The following KCNIP4 variants were observed in gnomAD, a reference collection of about 807,000 sequenced individuals.
KCNIP4 encodes the protein Kv channel-interacting protein 4.
KCNIP4 carries 12 observed loss-of-function variants against 34.0 expected under a neutral mutation model. The observed-to-expected ratio is 0.35, with a 90% confidence interval of 0.23 to 0.57. The LOEUF (loss-of-function observed/expected upper bound fraction) is 0.57. Ranked by LOEUF, KCNIP4 falls within the 20% of genes least tolerant of loss-of-function variation. The pLI, the probability that KCNIP4 is intolerant of heterozygous loss-of-function variation, is 0.83. For synonymous variants in KCNIP4, 124 were observed against 102.2 expected (o/e 1.21, Z -1.29); for missense variants, 238 against 311.7 (o/e 0.76, Z 1.78).
intron 2 of KCNIP4, among the ~76,000 whole-genome samples, chr4:20,853,501 T>G (rs1721256655): frequency 6.6e-6 from 1 of 152,130 alleles, no homozygotes; most frequent in Admixed American, 6.5e-5. Flanking sequence ...TCAAGATGGA[T>G]TAAGGACTTA....
intron 1 of KCNIP4, among the ~76,000 whole-genome samples, chr4:20,969,029 ATATT>A (rs1734664508): frequency 6.6e-6 from 1 of 152,190 alleles, no homozygotes; most frequent in Non-Finnish European, 1.5e-5. Context: ...GTCCCAGGAA[ATATT>A]TATTTGAATA....
intron 1 of KCNIP4, among the ~76,000 whole-genome samples, chr4:21,793,689 C>A (rs1720438905): frequency 6.6e-6 from 1 of 152,100 alleles, no homozygotes; most frequent in Non-Finnish European, 1.5e-5. Context: ...TATTTAATTC[C>A]ATTTAATCAT....
intron 1 of KCNIP4, among the ~76,000 whole-genome samples, chr4:21,511,663 C>T (rs1267489540): frequency 6.6e-6 from 1 of 152,044 alleles, no homozygotes; most frequent in Non-Finnish European, 1.5e-5. Context: ...AACGGGAGCT[C>T]ATGACATCCA....
chr4:21,396,548 C>CGAAAAAAAA (rs1428768959), intron 1 of KCNIP4, among the ~76,000 whole-genome samples: 1 of 7,232 alleles, frequency 1.4e-4, no homozygotes, highest in Non-Finnish European at 1.1e-3. Flanking sequence ...GAGCAAGACT[C>CGAAAAAAAA]CAAAAAAAAA....
intron 1 of KCNIP4, among the ~76,000 whole-genome samples, chr4:21,192,513 A>T (rs1032545556): frequency 3.3e-5 from 5 of 152,178 alleles, no homozygotes; most frequent in Admixed American, 2.6e-4. Flanking sequence ...TATAAAGGAC[A>T]GGTTTCATTT....
rs140025433 is a variant in KCNIP4, at chr4:21,182,946, T to A, written c.62-300237A>T. 2.4e-3 allele frequency among the ~76,000 whole-genome samples: 360 copies of A among 152,214 alleles called. 1 individual carries two copies. The highest frequency in any genetic ancestry group is 8.2e-3 in the African/African-American group (341 of 41,552). On this transcript the variant is annotated intron_variant, in intron 1 of 8. Coordinates refer to ENST00000382152, the MANE Select transcript of KCNIP4 (RefSeq NM_025221.6). Reference sequence around the variant, plus strand: ...CTGTAGTCACATTGTTTGCAATAGATCTCTAAGTTATTCCTCCTATCTAAA... The same window carrying A: ...CTGTAGTCACATTGTTTGCAATAGAACTCTAAGTTATTCCTCCTATCTAAA...
At chr4:20,925,051 T>C (rs1411202262) in intron 1 of KCNIP4, among the ~76,000 whole-genome samples, 1 of 152,206 alleles carries the variant, frequency 6.6e-6, no homozygotes, top group Non-Finnish European at 1.5e-5. Context: ...TTTTTTGAAA[T>C]GTGAAAATGG....
chr4:21,166,770 C>G (rs1391843120), intron 1 of KCNIP4, among the ~76,000 whole-genome samples: 2 of 151,856 alleles, frequency 1.3e-5, no homozygotes, highest in African/African-American at 4.8e-5. Context: ...AAAACCCCGT[C>G]TCTGCTAAAA....
At chr4:21,537,957 A>G (rs1200766062) in intron 1 of KCNIP4, among the ~76,000 whole-genome samples, 3 of 142,856 alleles carry the variant, frequency 2.1e-5, no homozygotes, top group African/African-American at 7.9e-5. Context: ...GGTTGAAGTA[A>G]GCCGAGATTG....
intron 1 of KCNIP4, among the ~76,000 whole-genome samples, chr4:20,954,541 G>A (rs1335873859): frequency 6.6e-6 from 1 of 152,050 alleles, no homozygotes; most frequent in African/African-American, 2.4e-5. Context: ...TAAATAAATC[G>A]ATCAAGGTAT....
At chr4:21,787,869 G>A (rs967272225) in intron 1 of KCNIP4, among the ~76,000 whole-genome samples, 4 of 151,830 alleles carry the variant, frequency 2.6e-5, no homozygotes, top group African/African-American at 9.7e-5. Flanking sequence ...TTGTATATCG[G>A]TTCTTCCAGA....
chr4:21,862,231 T>A (rs1725118423), intron 1 of KCNIP4, among the ~76,000 whole-genome samples: 1 of 152,146 alleles, frequency 6.6e-6, no homozygotes, highest in African/African-American at 2.4e-5. Context: ...GAGGTCAGCA[T>A]CTATCTAGTT....
At chr4:20,769,657 AC>A (rs1387510787) in intron 3 of KCNIP4, among the ~76,000 whole-genome samples, 2 of 152,218 alleles carry the variant, frequency 1.3e-5, no homozygotes, top group African/African-American at 4.8e-5. Context: ...AAAGAGTCTG[AC>A]ATGGCTTAGC....
chr4:21,905,233 G>A (rs184269190), intron 1 of KCNIP4, among the ~76,000 whole-genome samples: 21 of 152,118 alleles, frequency 1.4e-4, no homozygotes, highest in African/African-American at 4.3e-4. Flanking sequence ...GGACCATTCT[G>A]TCTTTCCTAG....
chr4:21,296,973 T>C (rs1763873594), intron 1 of KCNIP4, among the ~76,000 whole-genome samples: 2 of 151,846 alleles, frequency 1.3e-5, no homozygotes, highest in African/African-American at 4.8e-5. Flanking sequence ...TGTGTGTGTG[T>C]ATATATTTAT....
At chr4:21,519,423 T>C (rs13141119) in intron 1 of KCNIP4, among the ~76,000 whole-genome samples, 1,542 of 84,848 alleles carry the variant, frequency 0.018, 264 homozygotes, top group Admixed American at 0.069. Flanking sequence ...TGTGTATATA[T>C]ACACATATGT....
intron 1 of KCNIP4, among the ~76,000 whole-genome samples, chr4:21,784,693 T>G (rs1025929758): frequency 2.6e-4 from 40 of 152,176 alleles, no homozygotes; most frequent in African/African-American, 8.9e-4. Context: ...TTTGGAACAT[T>G]CTGACGAAAA....
chr4:20,939,702 C>T (rs576171406), intron 1 of KCNIP4, among the ~76,000 whole-genome samples: 2 of 152,260 alleles, frequency 1.3e-5, no homozygotes, highest in East Asian at 3.9e-4. Context: ...CTAAACAGCA[C>T]ATACATCTGT....
chr4:20,812,047 G>T (rs1393164139), intron 3 of KCNIP4, among the ~76,000 whole-genome samples: 1 of 152,186 alleles, frequency 6.6e-6, no homozygotes, highest in African/African-American at 2.4e-5. Flanking sequence ...GGACTCTACA[G>T]ACTTACATAA....
Sources: allele counts gnomAD v4.1 joint callset (sites outside exome capture counted in the v4.1 genomes callset), GRCh38; gene constraint gnomAD v4.1.1; transcripts MANE v1.5; gene names NCBI Gene and HGNC (gene_info 2026-07-23, HGNC 2026-07-21).